Variants in TJP1 observed in about 807,000 individuals in gnomAD.
TJP1 encodes tight junction protein 1, also known as tight junction protein ZO-1.
Under a neutral mutation model 194.2 loss-of-function variants are expected in TJP1, and 43 were observed. That is an observed-to-expected ratio of 0.22 (90% CI 0.17 to 0.29). TJP1 has a LOEUF of 0.29. Among genes scored for constraint, TJP1 ranks in the 10% least tolerant of loss-of-function variants. The pLI, the probability that TJP1 is intolerant of heterozygous loss-of-function variation, is 1.00. For synonymous variants in TJP1, 801 were observed against 779.0 expected, an observed-to-expected ratio of 1.03 and a Z score of -0.47; for missense variants, 1,971 against 2,185.7, an observed-to-expected ratio of 0.90 and a Z score of 1.96.
At chr15:29,791,101 A>T (rs2048052451) in intron 2 of TJP1, among the ~76,000 whole-genome samples, 1 of 150,974 alleles carries the variant, frequency 6.6e-6, no homozygotes, top group South Asian at 2.1e-4. Flanking sequence ...ATTTCGGCTC[A>T]CTGCAATCTC....
At chr15:29,709,120 G>T in intron 24 of TJP1, 84 bp from the exon 25 acceptor site, 3 of 1,348,652 alleles carry the variant, frequency 2.2e-6, no homozygotes, top group Non-Finnish European at 3.1e-6. Flanking sequence ...CCTGGTGCTG[G>T]AGTCGAGGCC....
chr15:29,705,489 TAA>T, intron 26 of TJP1, 37 bp downstream of exon 26: 2 of 1,602,428 alleles, frequency 1.2e-6, no homozygotes, highest in Non-Finnish European at 1.7e-6. Context: ...GGGCAACTCT[TAA>T]GTTATCAAAA....
At chr15:29,721,431 G>A (rs114270774) in intron 18 of TJP1, among the ~76,000 whole-genome samples, 2 of 152,022 alleles carry the variant, frequency 1.3e-5, no homozygotes, top group East Asian at 3.9e-4. Context: ...TTCCCCTTCC[G>A]CCACGATTGT....
intron 4 of TJP1, among the ~76,000 whole-genome samples, chr15:29,767,375 C>G (rs1158703451): frequency 6.6e-6 from 1 of 152,212 alleles, no homozygotes; most frequent in Non-Finnish European, 1.5e-5. Context: ...TGTCGGACAC[C>G]TTGAGCTACT....
chr15:29,800,415 CT>C, intron 2 of TJP1: 1 of 521,534 alleles, frequency 1.9e-6, no homozygotes, highest in East Asian at 3.3e-5. Flanking sequence ...AAGCAAATCA[CT>C]TTTTAAGTCA....
intron 2 of TJP1, among the ~76,000 whole-genome samples, chr15:29,946,137 T>G (rs901851842): frequency 2.0e-5 from 3 of 152,204 alleles, no homozygotes; most frequent in Admixed American, 6.5e-5. Context: ...GAGCTCCCAC[T>G]GTCTAAATCA....
chr15:29,757,139 C>G (rs2045693242), intron 8 of TJP1, among the ~76,000 whole-genome samples: 2 of 152,152 alleles, frequency 1.3e-5, no homozygotes, highest in South Asian at 4.1e-4. Flanking sequence ...GACATGAACC[C>G]AGGAAGTCCG....
chr15:29,863,864 T>C (rs932273453), intron 2 of TJP1, among the ~76,000 whole-genome samples: 2 of 152,130 alleles, frequency 1.3e-5, no homozygotes, highest in Non-Finnish European at 2.9e-5. Flanking sequence ...GTTCATGGCC[T>C]CTCATGGAAG....
rs768485627 is a variant in TJP1 at position 29,727,958 on chromosome 15, T to C, written c.2079A>G (p.Thr693=). Residue 693 remains threonine, a synonymous_variant, in exon 16 of 28, where the codon ACA becomes ACG. Transcript: ENST00000614355. The part of the protein sequence containing the change: ...QRSSGIIRLH[T]IKQIIDQDKH... ...TTACTTGATCTATGATTTGCTTTAT[T>C]GTATGCAGGCGAATAATGCCAGAGC... 7.4e-6 allele frequency: 12 copies of C among 1,614,126 alleles called. No individual in the cohort carries two copies. Among genetic ancestry groups the C allele is most frequent in the Non-Finnish European group, 9.3e-6 (11 of 1,179,980 alleles).
chr15:29,880,257 T>C (rs1469584589), intron 2 of TJP1, among the ~76,000 whole-genome samples: 1 of 152,234 alleles, frequency 6.6e-6, no homozygotes, highest in Non-Finnish European at 1.5e-5. Context: ...GGTGTGTCCT[T>C]TGTTTAGTTT....
chr15:29,717,000 T>C (rs2042609293), intron 22 of TJP1, among the ~76,000 whole-genome samples, 162 bp from the exon 23 acceptor site: 1 of 152,176 alleles, frequency 6.6e-6, no homozygotes, highest in Non-Finnish European at 1.5e-5. Context: ...ATATTTCAAA[T>C]CCCATGTCCT....
intron 27 of TJP1, among the ~76,000 whole-genome samples, chr15:29,702,700 T>C (rs2041629336): frequency 6.6e-6 from 1 of 152,208 alleles, no homozygotes; most frequent in Non-Finnish European, 1.5e-5. Flanking sequence ...ACCTAAGCAA[T>C]ATCTGGAGCC....
At chr15:29,942,701 G>A (rs895511971) in intron 2 of TJP1, among the ~76,000 whole-genome samples, 2 of 152,296 alleles carry the variant, frequency 1.3e-5, no homozygotes, top group Admixed American at 6.5e-5. Flanking sequence ...GCGTACCTCC[G>A]CAGAGGGCTG....
At chr15:29,964,636 C>G (rs1424462814) in intron 1 of TJP1, among the ~76,000 whole-genome samples, 8 of 152,176 alleles carry the variant, frequency 5.3e-5, no homozygotes, top group Non-Finnish European at 1.0e-4. Flanking sequence ...TTTCAGCCAC[C>G]AAGTTTATGT....
At chr15:29,914,258 A>T (rs2054113418) in intron 2 of TJP1, among the ~76,000 whole-genome samples, 1 of 152,100 alleles carries the variant, frequency 6.6e-6, no homozygotes. Flanking sequence ...TCATGGAGCA[A>T]ATTTATATTT....
At chr15:29,860,585 G>C (rs1032979123) in intron 2 of TJP1, among the ~76,000 whole-genome samples, 1 of 152,046 alleles carries the variant, frequency 6.6e-6, no homozygotes, top group African/African-American at 2.4e-5. Context: ...TCCCCCATGT[G>C]GTATCACATG....
rs78558390 is a variant in TJP1 at position 29,889,075 on chromosome 15, G to A, written c.306+67157C>T. Among the ~76,000 whole-genome samples the A allele has an allele frequency of 7.1e-4, 108 of 152,276 alleles. No homozygotes were observed. In the East Asian group the frequency reaches 0.013, roughly 18 times the overall value. ...AACAACTCTGGGAAGATAAATAAGT[G>A]AGCAGGCCTCCAAGTAAATCAACCC... On this transcript the variant is annotated intron_variant, in intron 2 of 28. Transcript: ENST00000356107.
chr15:29,769,117 C>T (rs1384237041), intron 4 of TJP1, among the ~76,000 whole-genome samples: 2 of 152,136 alleles, frequency 1.3e-5, no homozygotes, highest in Non-Finnish European at 2.9e-5. Flanking sequence ...GATAACAACA[C>T]ATGAGGTATG....
chr15:29,743,561 T>TA (rs987042998), intron 8 of TJP1, among the ~76,000 whole-genome samples: 3 of 152,050 alleles, frequency 2.0e-5, no homozygotes, highest in Non-Finnish European at 2.9e-5. Context: ...CCATACTCTG[T>TA]AAAAAAAATT....
Sources: allele counts gnomAD v4.1 joint callset (sites outside exome capture counted in the v4.1 genomes callset), GRCh38; gene constraint gnomAD v4.1.1; transcripts MANE v1.5; gene names NCBI Gene and HGNC (gene_info 2026-07-23, HGNC 2026-07-21).